CROT: variants seen among roughly 807,000 people sequenced by gnomAD.
CROT encodes peroxisomal carnitine O-octanoyltransferase.
Under a neutral mutation model 89.2 loss-of-function variants are expected in CROT, and 84 were observed. The observed-to-expected ratio is 0.94, with a 90% CI of 0.79 to 1.13. The LOEUF (loss-of-function observed/expected upper bound fraction) is 1.13, where lower values mean the gene tolerates loss of function less well. Among genes scored for constraint, CROT ranks in the 50% most tolerant of loss-of-function variants. CROT has a pLI of 0.00. For missense variants in CROT, 711 were observed against 727.8 expected (o/e 0.98, Z 0.27); for synonymous variants, 212 against 239.5 (o/e 0.89, Z 1.06).
chr7:87,381,443 G>T (rs1806999455), intron 10 of CROT, among the ~76,000 whole-genome samples: 1 of 152,066 alleles, frequency 6.6e-6, no homozygotes, highest in South Asian at 2.1e-4. Context: ...AAATGGTTAT[G>T]CTTTCTAATA....
chr7:87,369,058 T>A (rs559683338), intron 6 of CROT, among the ~76,000 whole-genome samples: 2 of 152,294 alleles, frequency 1.3e-5, no homozygotes, highest in East Asian at 3.9e-4. Context: ...ATTCCACTGG[T>A]CTCCTTCTCC....
At chr7:87,388,571 A>G (rs560357597) in intron 13 of CROT, among the ~76,000 whole-genome samples, 3 of 152,344 alleles carry the variant, frequency 2.0e-5, no homozygotes, top group Non-Finnish European at 2.9e-5. Context: ...CTGGCTAGCC[A>G]TTTGCAGAAA....
chr7:87,359,514 T>C, intron 4 of CROT, 184 bp downstream of exon 4: 1 of 1,348,808 alleles, frequency 7.4e-7, no homozygotes, highest in East Asian at 3.0e-5. Flanking sequence ...CGGGAACTTG[T>C]TAAAATGCAG....
chr7:87,377,261 A>C, intron 9 of CROT, 88 bp from the exon 10 acceptor site: 2 of 732,262 alleles, frequency 2.7e-6, no homozygotes, highest in Non-Finnish European at 4.5e-6. Flanking sequence ...GTGAAGAGGA[A>C]TGGTGAGATG....
intron 10 of CROT, 35 bp from the exon 11 acceptor site, chr7:87,381,875 A>G: frequency 7.0e-7 from 1 of 1,427,420 alleles, no homozygotes; most frequent in East Asian, 2.3e-5. Flanking sequence ...AAGTTGACAT[A>G]AAGTATTCAG....
At chr7:87,361,971 G>T in intron 6 of CROT, 119 bp downstream of exon 6, 1 of 890,090 alleles carries the variant, frequency 1.1e-6, no homozygotes, top group Non-Finnish European at 1.6e-6. Context: ...ACAAAGAAAG[G>T]TTTTCTGTGA....
At position 87,392,981 on chromosome 7, in the gene CROT, T is replaced by C. The variant is rs997655992; in HGVS notation, c.1632T>C (p.Ser544=). The C allele has an allele frequency of 1.2e-6, 2 of 1,613,626 alleles. No homozygotes were observed. The highest frequency in any genetic ancestry group is 1.7e-6 in the Non-Finnish European group (2 of 1,179,720). ...GTGGAAATTTTGTTCTCTCAACAAG[T>C]CTGGTTGGCTATTTACGAGTCCAGG... is the stretch of plus-strand genomic sequence containing the variant. The part of the protein sequence containing the change: ...GGGGNFVLST[S]LVGYLRVQGV... Residue 544 remains serine (S), a synonymous_variant, in exon 17 of 18, where the codon AGT becomes AGC. Coordinates refer to ENST00000331536, the MANE Select transcript of CROT (RefSeq NM_021151.4).
In CROT at chr7:87,393,048, T is replaced by C. The variant is rs759691207; in HGVS notation, c.1699T>C (p.Tyr567His). The change falls in exon 17 of 18, where the codon TAC becomes CAC. Residue 567 changes from tyrosine to histidine, a missense_variant. Coordinates refer to ENST00000331536, the MANE Select transcript of CROT (RefSeq NM_021151.4). ...GGTACACAATGGTTATGGATTTTTC[T>C]ACCATATCAGAGATGACAGGTGAGG... ...PMVHNGYGFF[Y>H]HIRDDRFVVA... The C allele has an allele frequency of 1.2e-6, 2 of 1,613,494 alleles. No individual in the cohort carries two copies. The highest frequency in any genetic ancestry group is 2.2e-5 in the South Asian group (2 of 91,038).
At chr7:87,358,641 T>C (rs1262520387) in intron 3 of CROT, among the ~76,000 whole-genome samples, 1 of 152,076 alleles carries the variant, frequency 6.6e-6, no homozygotes, top group African/African-American at 2.4e-5. Flanking sequence ...AAAAATATAT[T>C]TATTATCCAT....
intron 10 of CROT, among the ~76,000 whole-genome samples, chr7:87,381,074 A>G (rs1806986934): frequency 6.6e-6 from 1 of 152,160 alleles, no homozygotes; most frequent in Admixed American, 6.5e-5. Flanking sequence ...TGTTAGGGTG[A>G]CATTTAAGAC....
intron 3 of CROT, among the ~76,000 whole-genome samples, chr7:87,353,839 T>G (rs79797038): frequency 0.024 from 3,603 of 152,278 alleles, 75 homozygotes; most frequent in South Asian, 0.058. Flanking sequence ...GCTCCCATGA[T>G]CCAGCCACCT....
chr7:87,379,697 C>A (rs527567163), intron 10 of CROT, among the ~76,000 whole-genome samples: 2 of 152,314 alleles, frequency 1.3e-5, no homozygotes, highest in South Asian at 4.1e-4. Context: ...TGCATATATT[C>A]ATAAAATTGA....
Position 87,392,515 on chromosome 7 carries a change from G to T in CROT, c.1426-51G>T, listed in dbSNP as rs1205006742. The T allele has an allele frequency of 5.6e-6, 8 of 1,424,108 alleles. No individual in the cohort carries two copies. In the Admixed American group the frequency reaches 9.4e-5, roughly 17 times the overall value. The allele number at this position is 1,424,108 out of a possible 1,614,324, so 88.2% of individuals were successfully genotyped here. On this transcript the variant is annotated intron_variant, in intron 14 of 17. Coordinates refer to ENST00000331536, the MANE Select transcript of CROT (RefSeq NM_021151.4). ...ACAATGAGCTTAGGATTTTTTTCTA[G>T]TTGGGTTTTGCACAGTGTGTTATTG... is the stretch of plus-strand genomic sequence containing the variant.
chr7:87,397,037 C>T (rs1167952580), intron 17 of CROT, among the ~76,000 whole-genome samples: 1 of 152,140 alleles, frequency 6.6e-6, no homozygotes, highest in Admixed American at 6.5e-5. Context: ...TTTCATCACA[C>T]CATTGCCAAC....
At position 87,393,039 on chromosome 7, in the gene CROT, G is replaced by T; in HGVS notation, c.1690G>T (p.Gly564Ter). 6.2e-7 allele frequency: 1 copy of T among 1,613,384 alleles called. No individual in the cohort carries two copies. Among genetic ancestry groups the T allele is most frequent in the South Asian group, 1.1e-5 (1 of 91,042 alleles). The change falls in exon 17 of 18, where the codon GGA becomes TGA. Residue 564 changes from glycine to a stop codon, truncating the protein, a stop_gained. Transcript: ENST00000331536. LOFTEE classifies it high-confidence loss of function. Reference protein sequence around the residue: ...VVVPMVHNGYGFFYHIRDDRF... With the variant: ...VVVPMVHNGY ...AGTTCCCATGGTACACAATGGTTAT[G>T]GATTTTTCTACCATATCAGAGATGA...
chr7:87,357,388 C>A, intron 3 of CROT: 1 of 1,326,376 alleles, frequency 7.5e-7, no homozygotes, highest in Non-Finnish European at 1.1e-6. Context: ...CCCCATTGGG[C>A]TAGAAATATT....
chr7:87,396,797 G>GT (rs1398507797), intron 17 of CROT, among the ~76,000 whole-genome samples: 1 of 151,974 alleles, frequency 6.6e-6, no homozygotes, highest in Non-Finnish European at 1.5e-5. Flanking sequence ...AACCTATAAT[G>GT]TATGTAGACT....
intron 17 of CROT, 33 bp from the exon 18 acceptor site, chr7:87,398,491 G>A (rs1807624754): frequency 6.2e-7 from 1 of 1,611,362 alleles, no homozygotes; most frequent in Admixed American, 1.7e-5. Flanking sequence ...GGAGCCTTTT[G>A]TGTAATCATT....
At chr7:87,386,980 T>G in intron 13 of CROT, among the ~76,000 whole-genome samples, 1 of 152,076 alleles carries the variant, frequency 6.6e-6, no homozygotes, top group East Asian at 1.9e-4. Context: ...TGATCTCACT[T>G]CTTTCAGTGT....
Sources: allele counts gnomAD v4.1 joint callset (sites outside exome capture counted in the v4.1 genomes callset), GRCh38; gene constraint gnomAD v4.1.1; transcripts MANE v1.5; gene names NCBI Gene and HGNC (gene_info 2026-07-23, HGNC 2026-07-21).